Variants in ADGB observed in about 807,000 individuals in gnomAD.
ADGB encodes calpain-7-like protein.
A neutral mutation model predicts 210.5 loss-of-function variants in ADGB; 172 were observed. The ratio of observed to expected loss-of-function variants is 0.82; its 90% CI spans 0.72 to 0.93. ADGB has a LOEUF of 0.93. Ranked by LOEUF, ADGB falls within the 40% of genes least tolerant of loss-of-function variation. The pLI, the probability that ADGB is intolerant of heterozygous loss-of-function variation, is 0.00. For missense variants in ADGB, 2,025 were observed against 1,964.8 expected, an observed-to-expected ratio of 1.03 and a Z score of -0.58; for synonymous variants, 658 against 662.7, an observed-to-expected ratio of 0.99 and a Z score of 0.11.
chr6:146,800,099 C>T (rs1778104737), intron 33 of ADGB, among the ~76,000 whole-genome samples: 3 of 152,022 alleles, frequency 2.0e-5, no homozygotes, highest in Admixed American at 6.6e-5. Flanking sequence ...TGAGCCACCG[C>T]GCCCGGCCCT....
At chr6:146,703,408 CA>C (rs1357182374) in intron 13 of ADGB, among the ~76,000 whole-genome samples, 1 of 151,684 alleles carries the variant, frequency 6.6e-6, no homozygotes, top group Non-Finnish European at 1.5e-5. Flanking sequence ...TCTGTCTTAT[CA>C]ATTTTCAAGA....
intron 1 of ADGB, among the ~76,000 whole-genome samples, chr6:146,618,772 A>G (rs1448973829): frequency 2.6e-5 from 4 of 152,056 alleles, no homozygotes; most frequent in African/African-American, 2.4e-5. Context: ...GACCTAACAT[A>G]TGGTCTGTCC....
At chr6:146,798,504 A>T (rs1778077630) in intron 33 of ADGB, among the ~76,000 whole-genome samples, 1 of 152,192 alleles carries the variant, frequency 6.6e-6, no homozygotes, top group South Asian at 2.1e-4. Context: ...TTTTAGCCTA[A>T]GGTCAAGAAC....
rs1393388701 is a variant in ADGB at position 146,676,447 on chromosome 6, C to A, written c.1216+6C>A. 1 of 1,365,668 alleles carries A rather than the reference C, an allele frequency of 7.3e-7. No individual in the cohort carries two copies. The highest frequency in any genetic ancestry group is 9.5e-7 in the Non-Finnish European group (1 of 1,048,912). 84.6% of individuals were successfully genotyped at this position (1,365,668 alleles called of 1,614,324 possible). Reference sequence around the variant, plus strand: ...TGTGCAGTCCCTATCAGATTGTAAGCTCCTAATTTCTTAGAATAATAACTA... The same window carrying A: ...TGTGCAGTCCCTATCAGATTGTAAGATCCTAATTTCTTAGAATAATAACTA... On this transcript the variant is annotated splice_donor_region_variant and intron_variant, in intron 9 of 35. Transcript: ENST00000397944.
At chr6:146,618,628 C>A (rs1780838337) in intron 1 of ADGB, among the ~76,000 whole-genome samples, 1 of 151,342 alleles carries the variant, frequency 6.6e-6, no homozygotes, top group Non-Finnish European at 1.5e-5. Flanking sequence ...TGATCAGGTG[C>A]ATGTTGTTTA....
In ADGB at chr6:146,759,663, A is replaced by G. The variant is rs74794514; in HGVS notation, c.3551-4238A>G. The stretch of plus-strand genomic sequence containing the variant: ...GTGTACATGCATATATATGAAATAA[A>G]TGTTTAGAAGTAGAACTACTAGGTC... On this transcript the variant is annotated intron_variant, in intron 27 of 35. Transcript: ENST00000397944. Among the ~76,000 whole-genome samples the G allele has an allele frequency of 9.2e-5, 14 of 151,958 alleles. No homozygotes were observed. In the East Asian group the frequency reaches 2.7e-3, roughly 29 times the overall value.
At chr6:146,609,445 G>A (rs1780675281) in intron 1 of ADGB, among the ~76,000 whole-genome samples, 1 of 152,176 alleles carries the variant, frequency 6.6e-6, no homozygotes, top group Admixed American at 6.5e-5. Context: ...ACTTGTCTGT[G>A]TAGTTAATTT....
chr6:146,605,023 G>A (rs547573447), intron 1 of ADGB, among the ~76,000 whole-genome samples: 1 of 152,254 alleles, frequency 6.6e-6, no homozygotes, highest in African/African-American at 2.4e-5. Flanking sequence ...GGAATGTGGG[G>A]ACAGGTCATC....
chr6:146,700,001 C>T (rs547384829), intron 12 of ADGB, among the ~76,000 whole-genome samples: 1 of 152,314 alleles, frequency 6.6e-6, no homozygotes, highest in South Asian at 2.1e-4. Flanking sequence ...CTATTCACTG[C>T]TTGAATCTGT....
chr6:146,622,471 T>A (rs1780908802), intron 1 of ADGB, among the ~76,000 whole-genome samples: 1 of 152,244 alleles, frequency 6.6e-6, no homozygotes, highest in Non-Finnish European at 1.5e-5. Context: ...TAGCCAACAA[T>A]GTAATGCCAT....
intron 17 of ADGB, among the ~76,000 whole-genome samples, chr6:146,721,760 C>T (rs1776818933): frequency 6.6e-6 from 1 of 152,122 alleles, no homozygotes; most frequent in Non-Finnish European, 1.5e-5. Flanking sequence ...ATCCCTTGAA[C>T]CCAGGAGGCG....
rs776873088 is a variant in ADGB, at chr6:146,763,960, A to G, written c.3610A>G (p.Lys1204Glu). 1 of 1,551,526 alleles carries G rather than the reference A, an allele frequency of 6.4e-7. No homozygotes were observed. Among genetic ancestry groups the G allele is most frequent in the East Asian group, 2.4e-5 (1 of 40,910 alleles). ...ASKKEQEVYVKKKAAQGIQKS... is the reference protein window; with the variant it reads ...ASKKEQEVYVEKKAAQGIQKS... ...CAAGAAAGAGCAAGAAGTGTATGTT[A>G]AGAAGAAAGCTGCTCAGGGAATTCA... Residue 1204 changes from lysine to glutamate, a missense_variant, in exon 28 of 36, where the codon AAG becomes GAG. Lys to Glu is a moderately conservative substitution (Grantham distance 56, BLOSUM62 1). Coordinates refer to ENST00000397944, the MANE Select transcript of ADGB (RefSeq NM_024694.4).
At chr6:146,773,458 T>C (rs902310201) in intron 29 of ADGB, among the ~76,000 whole-genome samples, 1 of 152,174 alleles carries the variant, frequency 6.6e-6, no homozygotes. Flanking sequence ...TATGGTACTT[T>C]TTAATTTTTA....
intron 1 of ADGB, among the ~76,000 whole-genome samples, chr6:146,631,969 A>C (rs1325525547): frequency 6.6e-5 from 10 of 151,908 alleles, no homozygotes; most frequent in African/African-American, 2.4e-4. Flanking sequence ...TCATTAAAAA[A>C]AAAAAAAAAC....
intron 29 of ADGB, among the ~76,000 whole-genome samples, chr6:146,772,960 G>A (rs990095069): frequency 3.9e-5 from 6 of 152,078 alleles, no homozygotes; most frequent in Admixed American, 3.9e-4. Flanking sequence ...GCCAGTGCTG[G>A]ACTCACATCA....
rs149465174 is a variant in ADGB at position 146,692,818 on chromosome 6, T to C, written c.1487-7T>C. ...GTACATCATACTTTCTAACTGCTAC[T>C]TTTTAGAGTTAATAGTAAAGAAGCC... is the stretch of plus-strand genomic sequence containing the variant. On this transcript the variant is annotated splice_polypyrimidine_tract_variant and splice_region_variant and intron_variant, in intron 11 of 35. Coordinates refer to ENST00000397944, the MANE Select transcript of ADGB (RefSeq NM_024694.4). 3,867 of 1,479,290 alleles carry C rather than the reference T, an allele frequency of 2.6e-3. 87 individuals carry two copies. In the African/African-American group the frequency reaches 0.048, roughly 18 times the overall value. The allele number at this position is 1,479,290 out of a possible 1,614,324, so 91.6% of individuals were successfully genotyped here.
At chr6:146,711,504 G>A (rs993564260) in intron 13 of ADGB, among the ~76,000 whole-genome samples, 1 of 151,680 alleles carries the variant, frequency 6.6e-6, no homozygotes, top group African/African-American at 2.4e-5. Flanking sequence ...TTCTTTCATG[G>A]TTTAAACCCT....
At position 146,785,732 on chromosome 6, in the gene ADGB, C is replaced by G. The variant is rs201339456; in HGVS notation, c.4315+20C>G. 2.3e-4 allele frequency: 346 copies of G among 1,504,836 alleles called. 1 individual carries two copies. The highest frequency in any genetic ancestry group is 3.4e-4 in the Middle Eastern group (2 of 5,920). The allele number at this position is 1,504,836 out of a possible 1,614,324, so 93.2% of individuals were successfully genotyped here. A position where few individuals can be genotyped will look rare whatever the true frequency, so the allele number is the denominator to read the frequency against. On this transcript the variant is annotated intron_variant, in intron 32 of 35. Transcript: ENST00000397944. ...AAGAAGGTGAGTGGATCCTACCACC[C>G]CAGCTGCCTCAGAGCACAGAGCTGT...
rs35167095 is a variant in ADGB at position 146,727,177 on chromosome 6, C to CAAA, written c.2352+993_2352+995dup. On this transcript the variant is annotated intron_variant, in intron 19 of 35. Coordinates refer to ENST00000397944, the MANE Select transcript of ADGB (RefSeq NM_024694.4). ...TTTCTCAGCTCTAACCCTTTCCTACCAAAAAAAAAAAAAAATTCCAAATAG... is the reference window on the plus strand; with the variant it reads ...TTTCTCAGCTCTAACCCTTTCCTACCAAAAAAAAAAAAAAAAAATTCCAAATAG... Among the ~76,000 whole-genome samples the CAAA allele has an allele frequency of 7.0e-4, 97 of 139,396 alleles. 1 individual carries two copies. Among genetic ancestry groups the CAAA allele is most frequent in the Middle Eastern group, 3.7e-3 (1 of 270 alleles). The allele number at this position is 139,396 out of a possible 152,430, so 91.4% of individuals were successfully genotyped here.
Sources: gnomAD v4.1 joint callset for allele counts (sites outside exome capture counted in the v4.1 genomes callset) on GRCh38, gnomAD v4.1.1 for gene constraint, MANE v1.5 for transcripts, NCBI Gene and HGNC (gene_info 2026-07-23, HGNC 2026-07-21) for gene names.